RPS6KA2: variants seen among roughly 807,000 people sequenced by gnomAD.
The protein encoded by RPS6KA2 is ribosomal protein S6 kinase alpha-2.
A neutral mutation model predicts 91.8 loss-of-function variants in RPS6KA2; 42 were observed. The observed-to-expected ratio is 0.46, with a 90% confidence interval of 0.36 to 0.59. The LOEUF (loss-of-function observed/expected upper bound fraction) is 0.59. Ranked by LOEUF, RPS6KA2 falls within the 20% of genes least tolerant of loss-of-function variation. The pLI, the probability that RPS6KA2 is intolerant of heterozygous loss-of-function variation, is 0.00. For missense variants in RPS6KA2, 798 were observed against 978.5 expected, an observed-to-expected ratio of 0.82 and a Z score of 2.46; for synonymous variants, 414 against 393.6, an observed-to-expected ratio of 1.05 and a Z score of -0.61.
chr6:166,448,925 T>C lies in RPS6KA2; in HGVS notation c.1207-76A>G. On this transcript the variant is annotated intron_variant, in intron 13 of 20. Coordinates refer to ENST00000265678, the MANE Select transcript of RPS6KA2 (RefSeq NM_021135.6). This position sits in a 1 kb window ranked among gnomAD's most constrained non-coding sequence, Gnocchi z 4.7. Reference sequence around the variant, plus strand: ...ACGGTGCAGCTACACGCACACAGAATGTGGGGCGAAGAGAGGCACCGACTG... The same window carrying C: ...ACGGTGCAGCTACACGCACACAGAACGTGGGGCGAAGAGAGGCACCGACTG... 2 of 1,566,284 alleles carry C rather than the reference T, an allele frequency of 1.3e-6. No homozygotes were observed. The highest frequency in any genetic ancestry group is 1.7e-6 in the Non-Finnish European group (2 of 1,147,160).
intron 3 of RPS6KA2, among the ~76,000 whole-genome samples, chr6:166,517,618 G>A: frequency 6.6e-6 from 1 of 151,542 alleles, no homozygotes; most frequent in Non-Finnish European, 1.5e-5. Flanking sequence ...TGGGACTACA[G>A]GCGCCCGCCA....
chr6:166,436,975 G>A (rs961446735), intron 14 of RPS6KA2, among the ~76,000 whole-genome samples: 3 of 152,182 alleles, frequency 2.0e-5, no homozygotes, highest in African/African-American at 4.8e-5. Flanking sequence ...TTTCCGTCCC[G>A]GATGCTGTCA....
At chr6:166,860,362 C>A (rs1172806847) in intron 1 of RPS6KA2, among the ~76,000 whole-genome samples, 1 of 152,162 alleles carries the variant, frequency 6.6e-6, no homozygotes, top group African/African-American at 2.4e-5. Context: ...TACCATCTGC[C>A]CTCTCCTGGG....
intron 2 of RPS6KA2, among the ~76,000 whole-genome samples, chr6:166,688,692 G>A (rs769545230): frequency 6.6e-6 from 1 of 152,344 alleles, no homozygotes; most frequent in South Asian, 2.1e-4. Context: ...AACAGACAGC[G>A]TTGAAACCGC....
chr6:166,471,235 C>T (rs1009729931), intron 10 of RPS6KA2, among the ~76,000 whole-genome samples: 6 of 152,220 alleles, frequency 3.9e-5, no homozygotes, highest in Admixed American at 6.5e-5. Context: ...CCGGCCTGTC[C>T]GGCTGGAAGC....
intron 19 of RPS6KA2, among the ~76,000 whole-genome samples, chr6:166,416,142 C>A (rs147003772): frequency 1.4e-3 from 208 of 149,430 alleles, no homozygotes; most frequent in Admixed American, 2.9e-3. Context: ...CCACCATCAC[C>A]CTCACCATCA....
chr6:166,770,606 GT>G lies in RPS6KA2; in HGVS notation c.123+87593del, dbSNP rs1441544478. Among the ~76,000 whole-genome samples, 2 of 152,238 alleles carry G rather than the reference GT, an allele frequency of 1.3e-5. No individual in the cohort carries two copies. The highest frequency in any genetic ancestry group is 4.8e-5 in the African/African-American group (2 of 41,456). ...AATGCATGGCAAGATGACATCCTCA[GT>G]TTAGCACGCAAGGCAGCCCCTGCTG... On this transcript the variant is annotated intron_variant, in intron 2 of 21. Transcript: ENST00000503859. This position sits in a 1 kb window ranked among gnomAD's most constrained non-coding sequence, Gnocchi z 5.1.
intron 2 of RPS6KA2, among the ~76,000 whole-genome samples, chr6:166,659,810 G>A (rs950100830): frequency 6.6e-6 from 1 of 152,240 alleles, no homozygotes; most frequent in East Asian, 1.9e-4. Context: ...GGGGACCAGC[G>A]AACCTCGGGA....
intron 2 of RPS6KA2, among the ~76,000 whole-genome samples, chr6:166,649,696 G>A (rs1247455817): frequency 6.6e-6 from 1 of 152,210 alleles, no homozygotes; most frequent in Non-Finnish European, 1.5e-5. Context: ...GCTCAGTAAA[G>A]GACCATGCAA....
intron 14 of RPS6KA2, among the ~76,000 whole-genome samples, chr6:166,440,792 A>G (rs1779494495): frequency 6.6e-6 from 1 of 152,250 alleles, no homozygotes; most frequent in Admixed American, 6.5e-5. Context: ...GAGCGGTGCA[A>G]AAATAATAAT....
intron 3 of RPS6KA2, among the ~76,000 whole-genome samples, chr6:166,518,997 G>A (rs1191648227): frequency 6.6e-6 from 1 of 152,234 alleles, no homozygotes; most frequent in African/African-American, 2.4e-5. Context: ...TCCAGGGATG[G>A]AATGAGAGAG....
At chr6:166,432,547 T>TCCAC in intron 14 of RPS6KA2, 57 bp from the exon 15 acceptor site, 2 of 1,079,454 alleles carry the variant, frequency 1.9e-6, no homozygotes, top group Non-Finnish European at 2.8e-6. Context: ...TCGGGTGGTA[T>TCCAC]CTGCTGGTGG....
intron 3 of RPS6KA2, among the ~76,000 whole-genome samples, 197 bp from the exon 4 acceptor site, chr6:166,510,554 CATATATATAT>C (rs58712416): frequency 0.012 from 963 of 78,184 alleles, 8 homozygotes; most frequent in Non-Finnish European, 0.017. Flanking sequence ...TTCTCTCTCT[CATATATATAT>C]ATATATATAT....
At chr6:166,565,434 G>A (rs1583284469) in intron 1 of RPS6KA2, among the ~76,000 whole-genome samples, 1 of 152,358 alleles carries the variant, frequency 6.6e-6, no homozygotes, top group East Asian at 1.9e-4. Flanking sequence ...GCAGGGGTCC[G>A]CCCTCCCTGG....
At position 166,786,858 on chromosome 6, in the gene RPS6KA2, TC is replaced by T. The variant is rs549882565; in HGVS notation, c.123+71341del. 1.6e-4 allele frequency among the ~76,000 whole-genome samples: 25 copies of T among 152,266 alleles called. No individual in the cohort carries two copies. In the South Asian group the frequency reaches 5.2e-3, roughly 32 times the overall value. ...GTAGAGTAATATATATAATTCCAGT[TC>T]CACATTTTTGATCCTCATGACCACT... On this transcript the variant is annotated intron_variant, in intron 2 of 21. Transcript: ENST00000503859.
chr6:166,829,468 G>A (rs142978054), intron 2 of RPS6KA2, among the ~76,000 whole-genome samples: 1,664 of 151,750 alleles, frequency 0.011, 28 homozygotes, highest in African/African-American at 0.038. Context: ...GCGGGCGCCC[G>A]TAGTCCCAGC....
At chr6:166,822,746 C>G (rs1779934343) in intron 2 of RPS6KA2, among the ~76,000 whole-genome samples, 1 of 152,088 alleles carries the variant, frequency 6.6e-6, no homozygotes, top group Admixed American at 6.5e-5. Context: ...AGGTCTATCC[C>G]CTAAAGCAGT....
At chr6:166,587,101 AAGC>A (rs1331305626) in intron 1 of RPS6KA2, among the ~76,000 whole-genome samples, 1 of 152,248 alleles carries the variant, frequency 6.6e-6, no homozygotes, top group Non-Finnish European at 1.5e-5. Flanking sequence ...CCCCATGTGG[AAGC>A]AAAGTGGCCA....
chr6:166,684,375 T>C (rs1267730905), intron 2 of RPS6KA2, among the ~76,000 whole-genome samples: 1 of 152,212 alleles, frequency 6.6e-6, no homozygotes, highest in African/African-American at 2.4e-5. Flanking sequence ...CGTATAAATA[T>C]GACTGCAGGC....
Sources: allele counts gnomAD v4.1 joint callset (sites outside exome capture counted in the v4.1 genomes callset), GRCh38; gene constraint gnomAD v4.1.1; non-coding constraint Gnocchi (gnomAD v3.1); transcripts MANE v1.5; gene names NCBI Gene and HGNC (gene_info 2026-07-23, HGNC 2026-07-21).